The following TRPC4AP variants were observed in gnomAD, a reference collection of about 807,000 sequenced individuals.
TRPC4AP encodes the protein transient receptor potential cation channel subfamily C member 4 associated protein, also known as short transient receptor potential channel 4-associated protein.
Under a neutral mutation model 99.0 loss-of-function variants are expected in TRPC4AP, and 45 were observed. The ratio of observed to expected loss-of-function variants is 0.45; its 90% CI spans 0.36 to 0.58. The LOEUF is 0.58. Ranked by LOEUF, TRPC4AP falls within the 20% of genes least tolerant of loss-of-function variation. The pLI, the probability that TRPC4AP is intolerant of heterozygous loss-of-function variation, is 0.00. For missense variants in TRPC4AP, 879 were observed against 985.3 expected, an observed-to-expected ratio of 0.89 and a Z score of 1.44; for synonymous variants, 408 against 385.8, an observed-to-expected ratio of 1.06 and a Z score of -0.67.
chr20:35,073,171 T>G (rs2084370259), intron 2 of TRPC4AP, among the ~76,000 whole-genome samples: 1 of 152,218 alleles, frequency 6.6e-6, no homozygotes. Context: ...TAAGAGGATT[T>G]TGGGCTGAGA....
At chr20:35,083,705 T>G (rs2084715092) in intron 1 of TRPC4AP, among the ~76,000 whole-genome samples, 1 of 151,106 alleles carries the variant, frequency 6.6e-6, no homozygotes, top group Admixed American at 6.6e-5. Context: ...TTTTCTGATC[T>G]GCAAGCTTTA....
At chr20:35,042,309 C>A (rs2083461693) in intron 7 of TRPC4AP, among the ~76,000 whole-genome samples, 1 of 152,068 alleles carries the variant, frequency 6.6e-6, no homozygotes, top group African/African-American at 2.4e-5. Context: ...AATTATATTC[C>A]CTAATAACCT....
intron 6 of TRPC4AP, among the ~76,000 whole-genome samples, chr20:35,047,207 C>T (rs1372967104): frequency 2.6e-5 from 4 of 152,236 alleles, no homozygotes; most frequent in South Asian, 2.1e-4. Flanking sequence ...ATGTACAATA[C>T]GTATTATGCA....
chr20:35,026,267 T>G (rs1178817405), intron 8 of TRPC4AP, among the ~76,000 whole-genome samples: 1 of 151,146 alleles, frequency 6.6e-6, no homozygotes, highest in Non-Finnish European at 1.5e-5. Context: ...CAGGCTGGAG[T>G]GCAGTGGCAC....
intron 3 of TRPC4AP, 43 bp downstream of exon 3, chr20:35,069,253 T>A: frequency 9.0e-7 from 1 of 1,105,928 alleles, no homozygotes; most frequent in Non-Finnish European, 1.3e-6. Context: ...CCCAAACCAT[T>A]AAGCAGTAGT....
Position 35,049,903 on chromosome 20 carries a change from G to A in TRPC4AP, c.620C>T (p.Thr207Ile). ...LMTSKKTFLQ[T>I]ATLIEDILGV... Reference sequence around the variant, plus strand: ...CAAAATATCTTCAATGAGGGTTGCTGTTTGTAAGAATGTCTTCTTACTTGT... The same window carrying A: ...CAAAATATCTTCAATGAGGGTTGCTATTTGTAAGAATGTCTTCTTACTTGT... The change falls in exon 6 of 19, where the codon ACA becomes ATA. Residue 207 changes from threonine to isoleucine, a missense_variant. This residue lies in a region of TRPC4AP where 603 missense variants were observed against 631.8 expected (regional missense o/e 0.95). Coordinates refer to ENST00000252015, the MANE Select transcript of TRPC4AP (RefSeq NM_015638.3). 1.2e-6 allele frequency: 2 copies of A among 1,613,964 alleles called. No individual in the cohort carries two copies. Among genetic ancestry groups the A allele is most frequent in the Non-Finnish European group, 1.7e-6 (2 of 1,179,924 alleles).
At chr20:35,077,697 G>C (rs563066294) in intron 2 of TRPC4AP, among the ~76,000 whole-genome samples, 1 of 151,992 alleles carries the variant, frequency 6.6e-6, no homozygotes, top group Non-Finnish European at 1.5e-5. Flanking sequence ...CCTCTTCCAC[G>C]AGCCTTCAGC....
chr20:35,071,831 C>T (rs966556997), intron 2 of TRPC4AP, among the ~76,000 whole-genome samples: 1 of 152,160 alleles, frequency 6.6e-6, no homozygotes, highest in Non-Finnish European at 1.5e-5. Flanking sequence ...AATGGTATTT[C>T]TAGTTCTAGA....
At chr20:35,011,881 C>G (rs1206055596) in intron 11 of TRPC4AP, among the ~76,000 whole-genome samples, 3 of 152,244 alleles carry the variant, frequency 2.0e-5, no homozygotes, top group Non-Finnish European at 4.4e-5. Flanking sequence ...TGTCAAATGT[C>G]TCTCACAGAC....
At chr20:35,027,385 A>G (rs2083058102) in intron 8 of TRPC4AP, among the ~76,000 whole-genome samples, 1 of 152,206 alleles carries the variant, frequency 6.6e-6, no homozygotes, top group Non-Finnish European at 1.5e-5. Flanking sequence ...AACTTGCATA[A>G]ATCCATTTGG....
chr20:35,034,819 G>A (rs188695325), intron 8 of TRPC4AP, among the ~76,000 whole-genome samples: 1 of 152,252 alleles, frequency 6.6e-6, no homozygotes, highest in East Asian at 1.9e-4. Context: ...AAAGAGACGA[G>A]GAGAGAAGTT....
At chr20:35,032,133 G>A (rs981282212) in intron 8 of TRPC4AP, among the ~76,000 whole-genome samples, 15 of 151,510 alleles carry the variant, frequency 9.9e-5, no homozygotes, top group African/African-American at 2.7e-4. Context: ...CAAGTGCTCC[G>A]CCCACCTCAG....
intron 17 of TRPC4AP, among the ~76,000 whole-genome samples, 171 bp downstream of exon 17, chr20:35,004,287 A>G (rs575904949): frequency 6.6e-6 from 1 of 152,256 alleles, no homozygotes; most frequent in African/African-American, 2.4e-5. Flanking sequence ...CTCCTTCCTT[A>G]GGCCCTGTCT....
At chr20:35,047,159 C>A (rs1187870180) in intron 6 of TRPC4AP, among the ~76,000 whole-genome samples, 4 of 150,610 alleles carry the variant, frequency 2.7e-5, no homozygotes, top group Non-Finnish European at 5.9e-5. Context: ...GCCACTGTGG[C>A]TGGCCAAGAA....
intron 8 of TRPC4AP, among the ~76,000 whole-genome samples, chr20:35,023,501 A>G (rs1319391795): frequency 6.6e-6 from 1 of 152,206 alleles, no homozygotes; most frequent in Admixed American, 6.5e-5. Flanking sequence ...GGCAGGAGGC[A>G]AAGACTTAGG....
chr20:35,039,369 T>C (rs2083398311), intron 7 of TRPC4AP, among the ~76,000 whole-genome samples: 1 of 152,176 alleles, frequency 6.6e-6, no homozygotes, highest in Non-Finnish European at 1.5e-5. Context: ...TAATAAAAGC[T>C]AAGACCTTCT....
intron 4 of TRPC4AP, among the ~76,000 whole-genome samples, chr20:35,056,343 A>T (rs751856469): frequency 6.8e-4 from 103 of 152,352 alleles, no homozygotes; most frequent in Non-Finnish European, 1.4e-3. Flanking sequence ...AGGGAAAAAA[A>T]GTCTCAGCCT....
chr20:35,024,854 A>AT lies in TRPC4AP; in HGVS notation c.1052-3499_1052-3498insA, dbSNP rs1555904987. Among the ~76,000 whole-genome samples the AT allele has an allele frequency of 2.0e-4, 18 of 89,466 alleles. 3 individuals are homozygous for AT. The highest frequency in any genetic ancestry group is 7.0e-4 in the African/African-American group (18 of 25,570). 58.7% of individuals were successfully genotyped at this position (89,466 alleles called of 152,430 possible). On this transcript the variant is annotated intron_variant, in intron 8 of 18. Transcript: ENST00000252015. ...AAAAAAAAAAAAAAAAAAAAAAAAA[A>AT]ATTCTGTTTATTCATTAATCAGGTG...
intron 4 of TRPC4AP, among the ~76,000 whole-genome samples, 166 bp downstream of exon 4, chr20:35,057,348 T>C (rs969359300): frequency 2.0e-5 from 3 of 152,068 alleles, no homozygotes; most frequent in African/African-American, 7.2e-5. Context: ...ACAGAATGAA[T>C]AAAGACAGCT....
Sources: allele counts gnomAD v4.1 joint callset (sites outside exome capture counted in the v4.1 genomes callset), GRCh38; gene constraint gnomAD v4.1.1; regional missense constraint gnomAD v4.1.1; transcripts MANE v1.5; gene names NCBI Gene and HGNC (gene_info 2026-07-23, HGNC 2026-07-21).